The following PRPF40B variants were observed in gnomAD, a reference collection of about 807,000 sequenced individuals.
The protein encoded by PRPF40B is pre-mRNA processing factor 40B, also known as pre-mRNA-processing factor 40 homolog B.
A neutral mutation model predicts 124.5 loss-of-function variants in PRPF40B; 56 were observed. The ratio of observed to expected loss-of-function variants is 0.45; its 90% confidence interval spans 0.36 to 0.56. The LOEUF (loss-of-function observed/expected upper bound fraction) is 0.56, where lower values mean the gene tolerates loss of function less well. PRPF40B is among the 20% of genes least tolerant of loss of function. The probability of loss-of-function intolerance (pLI) is 0.00; values close to 1 mark genes in which losing one functional copy is unlikely to be tolerated. For synonymous variants in PRPF40B, 443 were observed against 426.4 expected, an observed-to-expected ratio of 1.04 and a Z score of -0.48; for missense variants, 1,053 against 1,169.5, an observed-to-expected ratio of 0.90 and a Z score of 1.45.
chr12:49,636,090 C>T (rs1941765981), intron 15 of PRPF40B, 97 bp downstream of exon 15: 1 of 1,464,512 alleles, frequency 6.8e-7, no homozygotes, highest in Non-Finnish European at 9.4e-7. Context: ...GTACCTCCTG[C>T]CCTCCCGGAC....
chr12:49,637,646 C>A, intron 17 of PRPF40B, 62 bp downstream of exon 17: 1 of 1,568,280 alleles, frequency 6.4e-7, no homozygotes, highest in Non-Finnish European at 8.8e-7. Flanking sequence ...CTCTCTGCAC[C>A]CCCTACTACC....
Position 49,631,599 on chromosome 12 carries a change from G to T in PRPF40B, c.228+55G>T. ...GAAAACCCTGTCAGTTTAGCTGGGG[G>T]TGGAGATAAGAGCGGGCATGTAGGC... On this transcript the variant is annotated intron_variant, in intron 3 of 25. Transcript: ENST00000548825. The surrounding 1 kb of genome is among the most constrained non-coding windows in gnomAD (Gnocchi z 4.3). 1 of 1,519,602 alleles carries T rather than the reference G, an allele frequency of 6.6e-7. No individual in the cohort carries two copies. Among genetic ancestry groups the T allele is most frequent in the South Asian group, 1.3e-5 (1 of 76,062 alleles). The allele number at this position is 1,519,602 out of a possible 1,614,324, so 94.1% of individuals were successfully genotyped here.
chr12:49,624,423 C>T (rs904991131), intron 1 of PRPF40B, among the ~76,000 whole-genome samples: 1 of 152,164 alleles, frequency 6.6e-6, no homozygotes, highest in Non-Finnish European at 1.5e-5. Flanking sequence ...CTGGGGCTGG[C>T]TAGCCTTATC....
At chr12:49,633,198 T>C (rs1941413633) in intron 7 of PRPF40B, 74 bp downstream of exon 7, 1 of 1,360,722 alleles carries the variant, frequency 7.3e-7, no homozygotes, top group African/African-American at 1.5e-5. Flanking sequence ...TCCCTTAGTC[T>C]CTAACCATAT....
intron 4 of PRPF40B, 182 bp downstream of exon 4, chr12:49,632,107 A>G: frequency 1.5e-6 from 1 of 660,626 alleles, no homozygotes; most frequent in African/African-American, 1.8e-5. Flanking sequence ...CTAGTTTCCC[A>G]CTCATCCCCA....
Position 49,630,587 on chromosome 12 carries a change from C to T in PRPF40B, c.46C>T (p.Pro16Ser), listed in dbSNP as rs189899956. 5.7e-5 allele frequency: 81 copies of T among 1,417,066 alleles called. No homozygotes were observed. In the African/African-American group the frequency reaches 7.6e-4, roughly 13 times the overall value. The allele number at this position is 1,417,066 out of a possible 1,614,324, so 87.8% of individuals were successfully genotyped here. The change falls in exon 2 of 26, where the codon CCC becomes TCC. Residue 16 changes from proline (P) to serine (S), a missense_variant. Pro to Ser is a moderately conservative substitution (Grantham distance 74). Transcript: ENST00000548825. ...TCCCCGGCCCCCAGCAGCGCCTGCC[C>T]CCTTCCCACCGGGGCCCCCCATGAT... ...SGPRPPAAPA[P>S]FPPGPPMMPP...
In PRPF40B at chr12:49,643,252, C is replaced by T. The variant is rs371833248; in HGVS notation, c.2235C>T (p.Pro745=). The T allele has an allele frequency of 6.8e-6, 11 of 1,613,936 alleles. No homozygotes were observed. The highest frequency in any genetic ancestry group is 1.7e-5 in the Admixed American group (1 of 59,984). The change falls in exon 23 of 26, where the codon CCC becomes CCT. Residue 745 remains proline, a synonymous_variant. Transcript: ENST00000548825. ...CTGAGTCAGAAGAAGAGGAGCTGCC[C>T]CCACCATCTCTCCGGCCCCCCAAGC... ...SGSESEEEEL[P]PPSLRPPKRR...
Position 49,635,088 on chromosome 12 carries a change from C to G in PRPF40B, c.1002-11C>G. 1 of 1,609,156 alleles carries G rather than the reference C, an allele frequency of 6.2e-7. No individual in the cohort carries two copies. Among genetic ancestry groups the G allele is most frequent in the Non-Finnish European group, 8.5e-7 (1 of 1,178,078 alleles). Reference sequence around the variant, plus strand: ...TCTCTATCCCCACCCCACTCCTACCCTCTATCCCAGTGCCTTGCCTAAACT... The same window carrying G: ...TCTCTATCCCCACCCCACTCCTACCGTCTATCCCAGTGCCTTGCCTAAACT... On this transcript the variant is annotated splice_polypyrimidine_tract_variant and intron_variant, in intron 12 of 25. Transcript: ENST00000548825. This position sits in a 1 kb window ranked among gnomAD's most constrained non-coding sequence, Gnocchi z 4.1.
intron 7 of PRPF40B, 31 bp from the exon 8 acceptor site, chr12:49,633,396 C>T (rs932337154): frequency 6.2e-7 from 1 of 1,613,640 alleles, no homozygotes; most frequent in African/African-American, 1.3e-5. Context: ...TTGCCCATCC[C>T]ACTGATGGCT....
In PRPF40B at chr12:49,643,716, A is replaced by T. The variant is rs759765213; in HGVS notation, c.2406A>T (p.Lys802Asn). 17 of 1,614,176 alleles carry T rather than the reference A, an allele frequency of 1.1e-5. No individual in the cohort carries two copies. Among genetic ancestry groups the T allele is most frequent in the Non-Finnish European group, 1.4e-5 (17 of 1,180,022 alleles). Residue 802 changes from lysine to asparagine, a missense_variant, in exon 24 of 26, where the codon AAA becomes AAT. Transcript: ENST00000548825. ...GADHGLRKAK[K>N]PKKKTKKRRH... Reference sequence around the variant, plus strand: ...ATCATGGCCTTCGGAAAGCCAAGAAACCAAAAAAGAAAACTAAGAAGAGAA... The same window carrying T: ...ATCATGGCCTTCGGAAAGCCAAGAATCCAAAAAAGAAAACTAAGAAGAGAA...
intron 22 of PRPF40B, 41 bp from the exon 23 acceptor site, chr12:49,643,182 A>G (rs1299478136): frequency 1.2e-6 from 2 of 1,609,546 alleles, no homozygotes; most frequent in African/African-American, 1.3e-5. Context: ...TCTGGAGGGC[A>G]GAGAACCTCT....
At chr12:49,639,043 C>G (rs770709129) in intron 18 of PRPF40B, 2 of 152,206 alleles carry the variant, frequency 1.3e-5, no homozygotes, top group African/African-American at 2.4e-5. Flanking sequence ...GGTATCCTCT[C>G]TTTCTCTGGA....
intron 23 of PRPF40B, 87 bp downstream of exon 23, chr12:49,643,484 G>A (rs1394534652): frequency 2.0e-6 from 3 of 1,484,858 alleles, no homozygotes; most frequent in Non-Finnish European, 2.7e-6. Context: ...TCCTTTGAGG[G>A]TAGACTGGAT....
Position 49,642,274 on chromosome 12 carries a change from AAGG to A in PRPF40B, c.1931_1933del (p.Glu644del), listed in dbSNP as rs1565850639. ...AGAGGCACGGGAGAGGGAGCGGGAG[AAGG>A]AGGAGGCACGCAGGATGCGGCGCAG... On this transcript the variant is annotated inframe_deletion, in exon 20 of 26. Transcript: ENST00000548825. The surrounding 1 kb of genome is among the most constrained non-coding windows in gnomAD (Gnocchi z 5.8). 5.6e-6 allele frequency: 9 copies of A among 1,613,992 alleles called. No homozygotes were observed. Among genetic ancestry groups the A allele is most frequent in the Admixed American group, 1.7e-5 (1 of 60,018 alleles).
chr12:49,642,578 A>T lies in PRPF40B; in HGVS notation c.2023-2A>T. 1 of 1,614,178 alleles carries T rather than the reference A, an allele frequency of 6.2e-7. No individual in the cohort carries two copies. Among genetic ancestry groups the T allele is most frequent in the Non-Finnish European group, 8.5e-7 (1 of 1,180,006 alleles). On this transcript the variant is annotated splice_acceptor_variant, in intron 20 of 25. Coordinates refer to ENST00000548825, the MANE Select transcript of PRPF40B (RefSeq NM_001031698.3). LOFTEE classifies it high-confidence loss of function. This position sits in a 1 kb window ranked among gnomAD's most constrained non-coding sequence, Gnocchi z 5.8. Reference sequence around the variant, plus strand: ...TGATCAGCAGTGCTCTCCTCGTTCAAGGTCCGTGAGCGTTTTGTGTGTGAC... The same window carrying T: ...TGATCAGCAGTGCTCTCCTCGTTCATGGTCCGTGAGCGTTTTGTGTGTGAC...
intron 25 of PRPF40B, 40 bp from the exon 26 acceptor site, chr12:49,644,060 T>C (rs2138680508): frequency 1.9e-6 from 3 of 1,614,172 alleles, no homozygotes; most frequent in Non-Finnish European, 2.5e-6. Flanking sequence ...CCACGGCCCT[T>C]AGTGCAGGCT....
At chr12:49,638,623 C>T (rs900359646) in intron 18 of PRPF40B, 2 of 152,174 alleles carry the variant, frequency 1.3e-5, no homozygotes, top group African/African-American at 4.8e-5. Context: ...AAACAAAGAG[C>T]ATATTTCTTT....
rs1941535799 is a variant in PRPF40B, at chr12:49,634,386, G to A, written c.867G>A (p.Glu289=). 1 of 1,614,260 alleles carries A rather than the reference G, an allele frequency of 6.2e-7. No homozygotes were observed. The highest frequency in any genetic ancestry group is 8.5e-7 in the Non-Finnish European group (1 of 1,180,044). The change falls in exon 11 of 26, where the codon GAG becomes GAA. Residue 289 remains glutamate (E), a synonymous_variant. Coordinates refer to ENST00000548825, the MANE Select transcript of PRPF40B (RefSeq NM_001031698.3). ...AGGAGGAATCAAAGCCAGAACCAGA[G>A]AGGTCTGGCCTCAGTTGGAGCAACC... ...QEEEESKPEP[E]RSGLSWSNRE... is the part of the protein sequence containing the mutation.
chr12:49,644,038 C>G (rs1189603999), intron 25 of PRPF40B, 34 bp downstream of exon 25: 1 of 1,614,148 alleles, frequency 6.2e-7, no homozygotes, highest in Non-Finnish European at 8.5e-7. Flanking sequence ...AGTCAGCACG[C>G]TGGTCAAGCT....
Sources: allele counts gnomAD v4.1 joint callset (sites outside exome capture counted in the v4.1 genomes callset), GRCh38; gene constraint gnomAD v4.1.1; non-coding constraint Gnocchi (gnomAD v3.1); transcripts MANE v1.5; gene names NCBI Gene and HGNC (gene_info 2026-07-23, HGNC 2026-07-21).